DGKG: variants seen among roughly 807,000 people sequenced by gnomAD.
DGKG encodes DAG kinase gamma.
In DGKG, 78 loss-of-function variants were observed where a neutral mutation model predicts 105.3. That is an observed-to-expected ratio of 0.74 (90% CI 0.62 to 0.89). The LOEUF (loss-of-function observed/expected upper bound fraction) is 0.89. Among genes scored for constraint, DGKG ranks in the 40% least tolerant of loss-of-function variants. DGKG has a pLI of 0.00. For missense variants in DGKG, 958 were observed against 1,020.1 expected, an observed-to-expected ratio of 0.94 and a Z score of 0.83; for synonymous variants, 346 against 367.1, an observed-to-expected ratio of 0.94 and a Z score of 0.66.
intron 1 of DGKG, among the ~76,000 whole-genome samples, chr3:186,353,554 C>G (rs1218821684): frequency 1.5e-5 from 2 of 130,946 alleles, no homozygotes; most frequent in Admixed American, 1.5e-4. Flanking sequence ...TTTATATATA[C>G]TTTTATGTAT....
intron 20 of DGKG, among the ~76,000 whole-genome samples, chr3:186,218,287 G>A (rs1175926980): frequency 1.3e-5 from 2 of 152,066 alleles, no homozygotes; most frequent in East Asian, 3.9e-4. Context: ...GGTGGATCAT[G>A]AGGTCAGGAG....
At chr3:186,244,320 G>A (rs1266515643) in intron 19 of DGKG, among the ~76,000 whole-genome samples, 1 of 152,098 alleles carries the variant, frequency 6.6e-6, no homozygotes, top group Non-Finnish European at 1.5e-5. Context: ...AGGGCAAGAG[G>A]AGAAGATGGG....
chr3:186,156,533 G>A (rs1716044399), intron 24 of DGKG, among the ~76,000 whole-genome samples: 1 of 151,944 alleles, frequency 6.6e-6, no homozygotes, highest in African/African-American at 2.4e-5. Context: ...AATATCTTGC[G>A]AGAAGTTATT....
chr3:186,343,643 C>T (rs776995046), intron 1 of DGKG, among the ~76,000 whole-genome samples: 23 of 152,144 alleles, frequency 1.5e-4, no homozygotes, highest in South Asian at 4.2e-4. Flanking sequence ...CTATCAACAG[C>T]GTGAGCATGA....
chr3:186,243,345 C>T, intron 19 of DGKG, among the ~76,000 whole-genome samples: 1 of 152,072 alleles, frequency 6.6e-6, no homozygotes, highest in East Asian at 1.9e-4. Context: ...ACACTAGCGG[C>T]CCCCTGCACT....
At chr3:186,185,928 C>A (rs953722549) in intron 22 of DGKG, among the ~76,000 whole-genome samples, 20 of 151,606 alleles carry the variant, frequency 1.3e-4, no homozygotes, top group Non-Finnish European at 1.9e-4. Flanking sequence ...GAAACCCCAT[C>A]TCTATTAAAA....
chr3:186,342,198 C>A (rs1726122714), intron 1 of DGKG, among the ~76,000 whole-genome samples: 1 of 152,076 alleles, frequency 6.6e-6, no homozygotes, highest in South Asian at 2.1e-4. Flanking sequence ...CATTAATGGG[C>A]TGAATAGTCT....
intron 19 of DGKG, among the ~76,000 whole-genome samples, chr3:186,247,205 G>A (rs970432356): frequency 2.6e-5 from 4 of 152,124 alleles, no homozygotes; most frequent in Non-Finnish European, 4.4e-5. Context: ...ATGTGTGGAT[G>A]GGGCTGTCGT....
rs1319591627 is a variant in DGKG, at chr3:186,284,891, G to A, written c.545-182C>T. ...CTTACAGAGAGGCTGGGCCAAGGGAGGAGAACCACCTGGCTTCTGGACCTG... is the reference window on the plus strand; with the variant it reads ...CTTACAGAGAGGCTGGGCCAAGGGAAGAGAACCACCTGGCTTCTGGACCTG... On this transcript the variant is annotated intron_variant, in intron 6 of 24. Transcript: ENST00000265022. This position sits in a 1 kb window ranked among gnomAD's most constrained non-coding sequence, Gnocchi z 4.0. 1.3e-5 allele frequency among the ~76,000 whole-genome samples: 2 copies of A among 152,226 alleles called. No individual in the cohort carries two copies. Among genetic ancestry groups the A allele is most frequent in the East Asian group, 1.9e-4 (1 of 5,200 alleles).
intron 2 of DGKG, among the ~76,000 whole-genome samples, chr3:186,307,870 CA>C (rs1197347171): frequency 7.1e-6 from 1 of 140,058 alleles, no homozygotes; most frequent in Non-Finnish European, 1.5e-5. Flanking sequence ...GGAATCTTGA[CA>C]ACTCTGTCCC....
intron 16 of DGKG, among the ~76,000 whole-genome samples, chr3:186,258,700 C>T (rs573026528): frequency 3.2e-4 from 48 of 152,198 alleles, no homozygotes; most frequent in Non-Finnish European, 5.9e-4. Context: ...TTGGAATTTA[C>T]GGTAGTTATT....
In DGKG at chr3:186,280,649, C is replaced by T. The variant is rs901200203; in HGVS notation, c.669+21G>A. The T allele has an allele frequency of 9.3e-6, 15 of 1,605,138 alleles. No homozygotes were observed. In the Admixed American group the frequency reaches 1.7e-4, roughly 18 times the overall value. ...TCTTAGAAGCTCACTCCAAAGCCAC[C>T]CCATCCTTATAGAAACTCACAGGCC... On this transcript the variant is annotated intron_variant, in intron 8 of 24. Coordinates refer to ENST00000265022, the MANE Select transcript of DGKG (RefSeq NM_001346.3).
intron 21 of DGKG, among the ~76,000 whole-genome samples, chr3:186,199,459 G>T (rs914578502): frequency 1.3e-5 from 2 of 152,118 alleles, no homozygotes; most frequent in African/African-American, 4.8e-5. Flanking sequence ...TTGTGAACCA[G>T]CACTTTATAT....
intron 1 of DGKG, among the ~76,000 whole-genome samples, chr3:186,355,398 C>A (rs1726890565): frequency 6.6e-6 from 1 of 150,838 alleles, no homozygotes; most frequent in African/African-American, 2.4e-5. Flanking sequence ...CTACCATCAC[C>A]ACTATCACCA....
chr3:186,182,620 C>T (rs538885676), intron 22 of DGKG, among the ~76,000 whole-genome samples: 1 of 152,328 alleles, frequency 6.6e-6, no homozygotes, highest in South Asian at 2.1e-4. Context: ...ATGGCCAGCA[C>T]ATCTTACTTA....
chr3:186,338,700 TA>T (rs1725946907), intron 1 of DGKG, among the ~76,000 whole-genome samples: 1 of 152,200 alleles, frequency 6.6e-6, no homozygotes, highest in Non-Finnish European at 1.5e-5. Flanking sequence ...TTATACTTTT[TA>T]AAAATTTGAA....
At chr3:186,163,676 C>T (rs1716403940) in intron 23 of DGKG, among the ~76,000 whole-genome samples, 1 of 152,024 alleles carries the variant, frequency 6.6e-6, no homozygotes, top group Admixed American at 6.6e-5. Flanking sequence ...GCTCCTGGCT[C>T]ACCCCCTCTG....
At chr3:186,182,694 C>T (rs565870335) in intron 22 of DGKG, among the ~76,000 whole-genome samples, 25 of 152,268 alleles carry the variant, frequency 1.6e-4, no homozygotes, top group African/African-American at 5.8e-4. Flanking sequence ...TCACATGTAA[C>T]TCTAAGATTT....
chr3:186,195,743 C>T (rs1481452396), intron 21 of DGKG, among the ~76,000 whole-genome samples: 2 of 152,176 alleles, frequency 1.3e-5, no homozygotes, highest in African/African-American at 4.8e-5. Context: ...ATTTTGCCAA[C>T]TGCATCTCTG....
Sources: gnomAD v4.1 joint callset for allele counts (sites outside exome capture counted in the v4.1 genomes callset) on GRCh38, gnomAD v4.1.1 for gene constraint, Gnocchi (gnomAD v3.1) non-coding constraint, MANE v1.5 for transcripts, NCBI Gene and HGNC (gene_info 2026-07-23, HGNC 2026-07-21) for gene names.